Variants in PCDHGA3 observed in about 807,000 individuals in gnomAD.
PCDHGA3 encodes the protein protocadherin gamma-A3.
In PCDHGA3, 40 loss-of-function variants were observed where a neutral mutation model predicts 58.5. The observed-to-expected ratio is 0.68, with a 90% CI of 0.53 to 0.89. The LOEUF (loss-of-function observed/expected upper bound fraction) is 0.89. PCDHGA3 is among the 40% of genes least tolerant of loss of function. The probability of loss-of-function intolerance (pLI) is 0.00; values close to 1 mark genes in which losing one functional copy is unlikely to be tolerated. For missense variants in PCDHGA3, 1,223 were observed against 1,195.9 expected (o/e 1.02, Z -0.33); for synonymous variants, 530 against 525.7 (o/e 1.01, Z -0.11).
intron 1 of PCDHGA3, chr5:141,492,070 GCCGGCT>G (rs1329848558): frequency 2.1e-6 from 1 of 477,826 alleles, no homozygotes; most frequent in Non-Finnish European, 3.7e-6. Context: ...CCTCCTAGGC[GCCGGCT>G]CCGGCACGCT....
intron 1 of PCDHGA3, chr5:141,374,486 A>C: frequency 6.2e-7 from 1 of 1,611,570 alleles, no homozygotes; most frequent in Non-Finnish European, 8.5e-7. Context: ...CCGATTCTTA[A>C]AGGAAGAATT....
intron 1 of PCDHGA3, chr5:141,365,647 C>T: frequency 1.9e-6 from 3 of 1,613,544 alleles, no homozygotes; most frequent in Non-Finnish European, 2.5e-6. Flanking sequence ...GCCACATCCC[C>T]TTGAAAGTAG....
intron 1 of PCDHGA3, chr5:141,374,222 A>G (rs1770285698): frequency 1.2e-6 from 2 of 1,613,902 alleles, no homozygotes; most frequent in South Asian, 1.1e-5. Flanking sequence ...CTTCGTAGGC[A>G]ACATCGTCAA....
At chr5:141,389,631 G>A (rs1390648430) in intron 1 of PCDHGA3, 15 of 1,612,998 alleles carry the variant, frequency 9.3e-6, no homozygotes, top group African/African-American at 1.3e-5. Flanking sequence ...TGCAGAGCCT[G>A]GCTACTTGGT....
chr5:141,381,826 C>CT (rs770630741), intron 1 of PCDHGA3, among the ~76,000 whole-genome samples: 11,762 of 74,396 alleles, frequency 0.16, 1,041 homozygotes, highest in Non-Finnish European at 0.18. Flanking sequence ...CTTTCTTCTT[C>CT]TTTTTTTTTT....
chr5:141,375,992 G>A (rs1277276450), intron 1 of PCDHGA3: 9 of 1,613,328 alleles, frequency 5.6e-6, no homozygotes, highest in Admixed American at 1.7e-5. Flanking sequence ...GGACAGAGAC[G>A]CGCTCAAGCA....
rs200843744 is a variant in PCDHGA3, at chr5:141,491,417, G to C, written c.2425-3390G>C. 18 of 1,613,988 alleles carry C rather than the reference G, an allele frequency of 1.1e-5. No individual in the cohort carries two copies. Among genetic ancestry groups the C allele is most frequent in the Admixed American group, 5.0e-5 (3 of 60,006 alleles). ...CAGGGAAACGCAGACGGGGACGGGGGTGGAGGGCAGTGCTGCAGGCGCCAG... is the reference window on the plus strand; with the variant it reads ...CAGGGAAACGCAGACGGGGACGGGGCTGGAGGGCAGTGCTGCAGGCGCCAG... On this transcript the variant is annotated intron_variant, in intron 1 of 3. Transcript: ENST00000253812. This position sits in a 1 kb window ranked among gnomAD's most constrained non-coding sequence, Gnocchi z 6.9.
rs761905572 is a variant in PCDHGA3 at position 141,486,493 on chromosome 5, T to A, written c.2425-8314T>A. The A allele has an allele frequency of 2.5e-6, 4 of 1,614,136 alleles. No homozygotes were observed. The highest frequency in any genetic ancestry group is 1.7e-4 in the Middle Eastern group (1 of 6,060). On this transcript the variant is annotated intron_variant, in intron 1 of 3. Transcript: ENST00000253812. This position sits in a 1 kb window ranked among gnomAD's most constrained non-coding sequence, Gnocchi z 5.0. ...ACCCTCCTCTCAGTACCCACAGAAC[T>A]ATTTTCCTCAATATTTCAGATGTGA... is the stretch of plus-strand genomic sequence containing the variant.
Position 141,477,393 on chromosome 5 carries a change from G to A in PCDHGA3, c.2425-17414G>A, listed in dbSNP as rs1397453429. On this transcript the variant is annotated intron_variant, in intron 1 of 3. Transcript: ENST00000253812. This position sits in a 1 kb window ranked among gnomAD's most constrained non-coding sequence, Gnocchi z 4.9. The stretch of plus-strand genomic sequence containing the variant: ...GAGACTGTGCCAGAATACAACCTCA[G>A]CATCACCGCCCGAGACGCCGGAACC... The A allele has an allele frequency of 5.6e-6, 9 of 1,614,098 alleles. No individual in the cohort carries two copies. Among genetic ancestry groups the A allele is most frequent in the Non-Finnish European group, 7.6e-6 (9 of 1,180,028 alleles).
chr5:141,398,171 C>T (rs773536231), intron 1 of PCDHGA3: 3 of 1,476,352 alleles, frequency 2.0e-6, no homozygotes, highest in Non-Finnish European at 2.7e-6. Flanking sequence ...GAGAGGCTGC[C>T]AGTGCTCTTT....
At chr5:141,403,236 T>G in intron 1 of PCDHGA3, 1 of 1,613,908 alleles carries the variant, frequency 6.2e-7, no homozygotes, top group South Asian at 1.1e-5. Flanking sequence ...CGGGAGGAGC[T>G]CTGTGCTCAG....
At chr5:141,383,382 T>C in intron 1 of PCDHGA3, 1 of 1,614,050 alleles carries the variant, frequency 6.2e-7, no homozygotes, top group East Asian at 2.2e-5. Context: ...GGGATCCAGA[T>C]GTGGGCACGA....
chr5:141,418,773 A>G, intron 1 of PCDHGA3: 2 of 1,613,904 alleles, frequency 1.2e-6, no homozygotes, highest in Non-Finnish European at 1.7e-6. Flanking sequence ...CTAACTCAGC[A>G]GCCTTTGGAT....
chr5:141,422,349 T>G, intron 1 of PCDHGA3: 1 of 1,554,722 alleles, frequency 6.4e-7, no homozygotes, highest in South Asian at 1.3e-5. Flanking sequence ...ATGTGCAAGA[T>G]CAAGATTCTG....
intron 1 of PCDHGA3, chr5:141,351,088 T>C: frequency 6.2e-7 from 1 of 1,614,076 alleles, no homozygotes. Flanking sequence ...AGATCACCTA[T>C]GCCTTCCTCA....
chr5:141,375,714 G>C, intron 1 of PCDHGA3: 1 of 1,614,262 alleles, frequency 6.2e-7, no homozygotes, highest in Non-Finnish European at 8.5e-7. Context: ...CCTCTTAGCA[G>C]CAACGTGTCA....
chr5:141,355,623 A>T, intron 1 of PCDHGA3: 1 of 1,613,994 alleles, frequency 6.2e-7, no homozygotes. Context: ...GGGAAATAAA[A>T]GTTGCTGAAA....
At chr5:141,458,563 G>T (rs1181785251) in intron 1 of PCDHGA3, among the ~76,000 whole-genome samples, 1 of 140,116 alleles carries the variant, frequency 7.1e-6, no homozygotes, top group Non-Finnish European at 1.5e-5. Context: ...TTTTGGTTTT[G>T]GGTTTTTGTT....
chr5:141,382,040 G>T, intron 1 of PCDHGA3, among the ~76,000 whole-genome samples: 1 of 151,758 alleles, frequency 6.6e-6, no homozygotes, highest in Admixed American at 6.6e-5. Flanking sequence ...TGTTGGTCAG[G>T]CTGGTCTCAA....
Sources: allele counts gnomAD v4.1 joint callset (sites outside exome capture counted in the v4.1 genomes callset), GRCh38; gene constraint gnomAD v4.1.1; non-coding constraint Gnocchi (gnomAD v3.1); transcripts MANE v1.5; gene names NCBI Gene and HGNC (gene_info 2026-07-23, HGNC 2026-07-21).